The following CLECL1 variants were observed in gnomAD, a reference collection of about 807,000 sequenced individuals.
The protein encoded by CLECL1 is C-type lectin-like domain family 1.
At chr12:9,729,745 G>A (rs1010433248) in intron 1 of CLECL1, among the ~76,000 whole-genome samples, 5 of 151,908 alleles carry the variant, frequency 3.3e-5, no homozygotes, top group African/African-American at 9.7e-5. Flanking sequence ...AGGTAGGAGA[G>A]GGCCAAATAA....
intron 1 of CLECL1, among the ~76,000 whole-genome samples, chr12:9,731,135 T>G (rs564229877): frequency 1.1e-4 from 16 of 152,362 alleles, no homozygotes; most frequent in African/African-American, 3.8e-4. Context: ...CATAAATTTC[T>G]GGGATATTCT....
intron 2 of CLECL1, among the ~76,000 whole-genome samples, chr12:9,728,613 C>T (rs993817265): frequency 6.6e-6 from 1 of 151,770 alleles, no homozygotes; most frequent in Admixed American, 6.6e-5. Context: ...GCAAAAAAAT[C>T]TATTTTACTA....
intron 3 of CLECL1, among the ~76,000 whole-genome samples, chr12:9,723,062 T>C (rs1866333982): frequency 6.6e-6 from 1 of 152,240 alleles, no homozygotes; most frequent in Admixed American, 6.5e-5. Flanking sequence ...TCATGTTTTC[T>C]ATAAGCCAGG....
upstream of CLECL1, chr12:9,733,217 A>T (rs61913428): frequency 0.059 from 95,134 of 1,612,512 alleles, 3,122 homozygotes; most frequent in Admixed American, 0.073. Context: ...TAATCAAGGT[A>T]GCAGATTTCT....
intron 3 of CLECL1, among the ~76,000 whole-genome samples, chr12:9,725,868 C>T (rs1048854611): frequency 6.6e-6 from 1 of 151,964 alleles, no homozygotes; most frequent in Non-Finnish European, 1.5e-5. Flanking sequence ...GGCAAGGTGG[C>T]CCTTCATGGT....
chr12:9,703,375 G>GT, the CLECL1 span, among the ~76,000 whole-genome samples: 16 of 148,052 alleles, frequency 1.1e-4, no homozygotes, highest in African/African-American at 3.8e-4. Context: ...TTTGTGCTAG[G>GT]TTATTTATTT....
At chr12:9,728,029 A>G (rs1866400405) in intron 2 of CLECL1, among the ~76,000 whole-genome samples, 2 of 151,864 alleles carry the variant, frequency 1.3e-5, no homozygotes, top group East Asian at 3.8e-4. Context: ...TATTAATTAT[A>G]TCAGGTGTCA....
chr12:9,716,768 A>G, exon 3 of CLECL1: 1 of 1,280,048 alleles, frequency 7.8e-7, no homozygotes, highest in Non-Finnish European at 1.0e-6. Flanking sequence ...GTCAAAAAAG[A>G]TTGGATTTCT....
chr12:9,706,783 A>G, the CLECL1 span, among the ~76,000 whole-genome samples: 2 of 152,122 alleles, frequency 1.3e-5, no homozygotes, highest in Non-Finnish European at 2.9e-5. Context: ...ATTTTTGCAT[A>G]TGATCATCAA....
upstream of CLECL1, chr12:9,733,278 G>T: frequency 6.4e-7 from 1 of 1,552,108 alleles, no homozygotes; most frequent in Non-Finnish European, 8.8e-7. Context: ...GTAGGTTCTC[G>T]TTTTTCAGTT....
At chr12:9,707,539 T>C in the CLECL1 span, among the ~76,000 whole-genome samples, 58,502 of 151,740 alleles carry the variant, frequency 0.39, 12,451 homozygotes, top group East Asian at 0.58. Context: ...ACTTCTGCCC[T>C]ACTGCCATGA....
At chr12:9,725,650 C>T (rs1460371028) in intron 3 of CLECL1, among the ~76,000 whole-genome samples, 4 of 152,002 alleles carry the variant, frequency 2.6e-5, no homozygotes, top group African/African-American at 9.7e-5. Context: ...AACTTCAATG[C>T]ATAAAACGTG....
downstream of CLECL1, among the ~76,000 whole-genome samples, chr12:9,715,627 C>T (rs1156313035): frequency 6.6e-6 from 1 of 152,160 alleles, no homozygotes; most frequent in Non-Finnish European, 1.5e-5. Context: ...GCTTTTACCA[C>T]ACAGGTCTAG....
downstream of CLECL1, among the ~76,000 whole-genome samples, chr12:9,711,435 C>G (rs779333434): frequency 7.2e-5 from 11 of 152,134 alleles, no homozygotes; most frequent in African/African-American, 2.4e-4. Context: ...ATTAAAGCTA[C>G]TTAGAGCTTT....
intron 3 of CLECL1, among the ~76,000 whole-genome samples, chr12:9,724,184 G>GAAAAA (rs71045296): frequency 3.1e-5 from 4 of 130,122 alleles, no homozygotes; most frequent in Non-Finnish European, 3.3e-5. Context: ...GCAACTCCAT[G>GAAAAA]AAAAAAAAAA....
intron 2 of CLECL1, among the ~76,000 whole-genome samples, chr12:9,728,050 G>A (rs1389250486): frequency 1.3e-5 from 2 of 151,774 alleles, no homozygotes; most frequent in African/African-American, 2.4e-5. Flanking sequence ...CCTGGTTGAT[G>A]TTTTGTATGT....
chr12:9,715,900 T>C (rs1866234255), exon 3 of CLECL1: 1 of 152,360 alleles, frequency 6.6e-6, no homozygotes, highest in Admixed American at 6.5e-5. Flanking sequence ...AGTGCTCCTT[T>C]TACTCACATC....
At chr12:9,726,658 T>G (rs1866383590) in intron 3 of CLECL1, among the ~76,000 whole-genome samples, 1 of 151,990 alleles carries the variant, frequency 6.6e-6, no homozygotes, top group Non-Finnish European at 1.5e-5. Context: ...TTTGGTGTAC[T>G]TTCCTAATCA....
At chr12:9,705,851 T>C in the CLECL1 span, among the ~76,000 whole-genome samples, 1 of 152,210 alleles carries the variant, frequency 6.6e-6, no homozygotes, top group African/African-American at 2.4e-5. Flanking sequence ...GGCTTTGCTG[T>C]TTTTGCTTAA....
Sources: gnomAD v4.1 joint callset for allele counts (sites outside exome capture counted in the v4.1 genomes callset) on GRCh38, gnomAD v4.1.1 for gene constraint, MANE v1.5 for transcripts, NCBI Gene and HGNC (gene_info 2026-07-23, HGNC 2026-07-21) for gene names.